GPAT3: variants seen among roughly 807,000 people sequenced by gnomAD.
The protein encoded by GPAT3 is glycerol-3-phosphate acyltransferase 3.
A neutral mutation model predicts 58.8 loss-of-function variants in GPAT3; 53 were observed. The ratio of observed to expected loss-of-function variants is 0.90; its 90% confidence interval spans 0.72 to 1.13. The LOEUF is 1.13. GPAT3 is among the 50% of genes most tolerant of loss of function. GPAT3 has a pLI of 0.00. For synonymous variants in GPAT3, 197 were observed against 187.4 expected (o/e 1.05, Z -0.42); for missense variants, 511 against 527.6 (o/e 0.97, Z 0.31).
At position 83,591,302 on chromosome 4, in the gene GPAT3, C is replaced by CAAAATTTT. The variant is rs541930249; in HGVS notation, c.738+1010_738+1011insAAAATTTT. Reference sequence around the variant, plus strand: ...ACAATCATTAAGGGGATTTTGAAGGCCTTTGCAAAAATTTCTGCTTATTGC... The same window carrying CAAAATTTT: ...ACAATCATTAAGGGGATTTTGAAGGCAAAATTTTCTTTGCAAAAATTTCTGCTTATTGC... On this transcript the variant is annotated intron_variant, in intron 6 of 11. Transcript: ENST00000264409. 5.3e-3 allele frequency among the ~76,000 whole-genome samples: 807 copies of CAAAATTTT among 152,182 alleles called. 3 individuals are homozygous for CAAAATTTT. The highest frequency in any genetic ancestry group is 0.018 in the African/African-American group (738 of 41,508).
At chr4:83,547,681 A>G (rs1290129384) in intron 2 of GPAT3, among the ~76,000 whole-genome samples, 1 of 152,058 alleles carries the variant, frequency 6.6e-6, no homozygotes, top group Non-Finnish European at 1.5e-5. Flanking sequence ...CTGAAAGCTG[A>G]GCCTAGGCAA....
chr4:83,594,085 T>C (rs1433920070), intron 6 of GPAT3, among the ~76,000 whole-genome samples: 10 of 152,208 alleles, frequency 6.6e-5, no homozygotes, highest in East Asian at 1.9e-4. Flanking sequence ...TTTAGTCTTA[T>C]ACAAAAGGTA....
At chr4:83,565,776 C>T (rs62305335) in intron 2 of GPAT3, among the ~76,000 whole-genome samples, 26,420 of 152,190 alleles carry the variant, frequency 0.17, 2,955 homozygotes, top group East Asian at 0.31. Context: ...TCCAGGGGAC[C>T]GGAGCGTCGG....
chr4:83,562,209 T>TA (rs1560611037), intron 2 of GPAT3, among the ~76,000 whole-genome samples: 2 of 34,038 alleles, frequency 5.9e-5, no homozygotes, highest in Non-Finnish European at 9.9e-5. Flanking sequence ...AATATATATA[T>TA]ATTATATATA....
chr4:83,602,743 C>T (rs1727105546), intron 11 of GPAT3, among the ~76,000 whole-genome samples: 1 of 152,160 alleles, frequency 6.6e-6, no homozygotes, highest in Non-Finnish European at 1.5e-5. Context: ...GGGCTTGGAT[C>T]TTGTGAAAGG....
chr4:83,553,468 T>A (rs1363364324), intron 2 of GPAT3, among the ~76,000 whole-genome samples: 3 of 152,238 alleles, frequency 2.0e-5, no homozygotes, highest in Non-Finnish European at 4.4e-5. Flanking sequence ...TAAAATTTTC[T>A]GTCTCTAGCA....
intron 1 of GPAT3, among the ~76,000 whole-genome samples, chr4:83,540,722 G>C (rs574928543): frequency 7.2e-4 from 109 of 152,166 alleles, no homozygotes; most frequent in African/African-American, 2.6e-3. Flanking sequence ...GCCTCGCTCT[G>C]TCACCCAGGC....
intron 1 of GPAT3, among the ~76,000 whole-genome samples, chr4:83,539,572 A>G (rs1168586234): frequency 6.6e-6 from 1 of 152,194 alleles, no homozygotes; most frequent in Non-Finnish European, 1.5e-5. Context: ...TTGTTAACTC[A>G]CTGAACTTTA....
intron 3 of GPAT3, among the ~76,000 whole-genome samples, chr4:83,585,503 A>T (rs1726344963): frequency 6.6e-6 from 1 of 152,036 alleles, no homozygotes; most frequent in Non-Finnish European, 1.5e-5. Context: ...TGTACATTAT[A>T]TCAGTACAGA....
Position 83,590,289 on chromosome 4 carries a change from T to G in GPAT3, c.735T>G (p.Ala245=), listed in dbSNP as rs769322939. Residue 245 remains alanine, a synonymous_variant, in exon 6 of 12, where the codon GCT becomes GCG. Coordinates refer to ENST00000264409, the MANE Select transcript of GPAT3 (RefSeq NM_032717.5). Reference sequence around the variant, plus strand: ...TCTTGACAACGGATGGATGTTATGCTATGGTAAGAGCAGCTCATTGATATT... The same window carrying G: ...TCTTGACAACGGATGGATGTTATGCGATGGTAAGAGCAGCTCATTGATATT... The part of the protein sequence containing the change: ...VLILTTDGCY[A]MVGQVHGGLM... 16 of 1,613,184 alleles carry G rather than the reference T, an allele frequency of 9.9e-6. No homozygotes were observed. Among genetic ancestry groups the G allele is most frequent in the Middle Eastern group, 1.6e-4 (1 of 6,074 alleles).
intron 7 of GPAT3, 146 bp downstream of exon 7, chr4:83,595,106 T>C: frequency 1.6e-6 from 1 of 622,120 alleles, no homozygotes; most frequent in Non-Finnish European, 2.8e-6. Context: ...GCAAATCACC[T>C]GTCTTAGCCA....
chr4:83,552,217 C>G (rs1225410322), intron 2 of GPAT3, among the ~76,000 whole-genome samples: 1 of 152,168 alleles, frequency 6.6e-6, no homozygotes, highest in East Asian at 1.9e-4. Flanking sequence ...TCGTGGGCAA[C>G]AGTCCTGTAC....
chr4:83,578,976 C>CT (rs1203956279), intron 2 of GPAT3, among the ~76,000 whole-genome samples: 10 of 104,426 alleles, frequency 9.6e-5, no homozygotes, highest in Non-Finnish European at 3.7e-5. Flanking sequence ...TTCTTTCTTT[C>CT]TTTCTTTCTT....
chr4:83,547,419 A>AT (rs531142587), intron 2 of GPAT3, among the ~76,000 whole-genome samples: 5 of 151,156 alleles, frequency 3.3e-5, no homozygotes, highest in Admixed American at 6.6e-5. Flanking sequence ...CGCCCAGCTA[A>AT]TTTTTTGTAT....
chr4:83,548,828 C>T (rs1412515707), intron 2 of GPAT3, among the ~76,000 whole-genome samples: 1 of 152,080 alleles, frequency 6.6e-6, no homozygotes, highest in Admixed American at 6.5e-5. Flanking sequence ...CCTTTGCCCA[C>T]CTAAACACTC....
intron 2 of GPAT3, among the ~76,000 whole-genome samples, chr4:83,577,379 A>G (rs1165949522): frequency 2.6e-5 from 4 of 152,250 alleles, no homozygotes; most frequent in Non-Finnish European, 4.4e-5. Context: ...ATATTGCATT[A>G]ATGTCAACCT....
At chr4:83,581,267 T>C (rs1726113863) in intron 2 of GPAT3, among the ~76,000 whole-genome samples, 1 of 151,970 alleles carries the variant, frequency 6.6e-6, no homozygotes, top group Non-Finnish European at 1.5e-5. Context: ...TGTGTGTGAG[T>C]TCTTTGTCTA....
At chr4:83,604,629 T>C in intron 11 of GPAT3, 39 bp from the exon 12 acceptor site, 1 of 1,531,184 alleles carries the variant, frequency 6.5e-7, no homozygotes. Flanking sequence ...AAATCACCGC[T>C]GTAAAGTATC....
chr4:83,555,159 C>A (rs1724903416), intron 2 of GPAT3, among the ~76,000 whole-genome samples: 1 of 152,138 alleles, frequency 6.6e-6, no homozygotes, highest in Admixed American at 6.5e-5. Context: ...ATGTATTAGA[C>A]TTCTGCTCCC....
Sources: gnomAD v4.1 joint callset for allele counts (sites outside exome capture counted in the v4.1 genomes callset) on GRCh38, gnomAD v4.1.1 for gene constraint, MANE v1.5 for transcripts, NCBI Gene and HGNC (gene_info 2026-07-23, HGNC 2026-07-21) for gene names.